Variants in TRUB1 observed in about 807,000 individuals in gnomAD.
TRUB1 encodes pseudouridylate synthase TRUB1.
A neutral mutation model predicts 33.9 loss-of-function variants in TRUB1; 23 were observed. The ratio of observed to expected loss-of-function variants is 0.68; its 90% CI spans 0.49 to 0.96. The LOEUF is 0.96. Ranked by LOEUF, TRUB1 falls within the 40% of genes least tolerant of loss-of-function variation. TRUB1 has a pLI of 0.00. For synonymous variants in TRUB1, 163 were observed against 165.4 expected, an observed-to-expected ratio of 0.99 and a Z score of 0.11; for missense variants, 378 against 422.2, an observed-to-expected ratio of 0.90 and a Z score of 0.92.
intron 6 of TRUB1, among the ~76,000 whole-genome samples, chr10:114,972,546 T>C (rs965080564): frequency 1.3e-5 from 2 of 152,224 alleles, no homozygotes; most frequent in African/African-American, 2.4e-5. Context: ...AGTAACATAC[T>C]TTAGATCTCT....
At position 114,957,680 on chromosome 10, in the gene TRUB1, C is replaced by G. The variant is rs767042250; in HGVS notation, c.442-2046C>G. ...AGGCCAGGGAAGTGGCATATGTGCCCCAGGTGCACAAAACACCAAGAGTCC... is the reference window on the plus strand; with the variant it reads ...AGGCCAGGGAAGTGGCATATGTGCCGCAGGTGCACAAAACACCAAGAGTCC... On this transcript the variant is annotated intron_variant, in intron 3 of 7. Coordinates refer to ENST00000298746, the MANE Select transcript of TRUB1 (RefSeq NM_139169.5). Among the ~76,000 whole-genome samples the G allele has an allele frequency of 7.0e-4, 107 of 151,988 alleles. 1 individual carries two copies. The highest frequency in any genetic ancestry group is 1.4e-3 in the Non-Finnish European group (93 of 67,996).
At chr10:114,950,668 G>C (rs1477944943) in intron 2 of TRUB1, among the ~76,000 whole-genome samples, 1 of 152,104 alleles carries the variant, frequency 6.6e-6, no homozygotes. Flanking sequence ...TCTTTAAATG[G>C]TTCATTAGCT....
intron 4 of TRUB1, among the ~76,000 whole-genome samples, chr10:114,969,735 T>G (rs2084327026): frequency 6.8e-6 from 1 of 147,658 alleles, no homozygotes. Context: ...GCTGGGAGTG[T>G]TCATGTAAAA....
chr10:114,947,870 C>T (rs1351732213), intron 2 of TRUB1, among the ~76,000 whole-genome samples: 1 of 151,926 alleles, frequency 6.6e-6, no homozygotes, highest in African/African-American at 2.4e-5. Context: ...TAGTTTTTAC[C>T]CACACATCTG....
chr10:114,944,497 A>G (rs575870866), intron 2 of TRUB1, among the ~76,000 whole-genome samples: 29 of 152,244 alleles, frequency 1.9e-4, no homozygotes, highest in Middle Eastern at 3.4e-3. Context: ...TGTCTCTACT[A>G]AAAATACAAA....
rs897365778 is a variant in TRUB1 at position 114,940,309 on chromosome 10, C to T, written c.286+1770C>T. ...GCTAATTTTGTATTTTTGGTAGAGACGGGGTTTCTCCATGTTGGTCAGGCT... is the reference window on the plus strand; with the variant it reads ...GCTAATTTTGTATTTTTGGTAGAGATGGGGTTTCTCCATGTTGGTCAGGCT... On this transcript the variant is annotated intron_variant, in intron 1 of 7. Transcript: ENST00000298746. Among the ~76,000 whole-genome samples the T allele has an allele frequency of 6.6e-5, 10 of 152,000 alleles. No individual in the cohort carries two copies. The South Asian group carries it at 1.0e-3, about 16-fold the overall frequency.
At position 114,977,238 on chromosome 10, in the gene TRUB1, A is replaced by G. The variant is rs2143044426; in HGVS notation, c.*1859A>G. On this transcript the variant is annotated 3_prime_UTR_variant, in exon 8 of 8. Coordinates refer to ENST00000298746, the MANE Select transcript of TRUB1 (RefSeq NM_139169.5). ...TAGTAACTTTAGAATTTAAATTTTT[A>G]TATTACTATTTTCCTTTTTGTTGTT... is the stretch of plus-strand genomic sequence containing the variant. 2 of 152,220 alleles carry G rather than the reference A, an allele frequency of 1.3e-5. No individual in the cohort carries two copies. The highest frequency in any genetic ancestry group is 6.8e-3 in the Middle Eastern group (2 of 294). 9.4% of individuals were successfully genotyped at this position (152,220 alleles called of 1,614,324 possible).
intron 1 of TRUB1, among the ~76,000 whole-genome samples, chr10:114,942,339 T>A (rs1237794779): frequency 6.6e-6 from 1 of 152,180 alleles, no homozygotes; most frequent in Admixed American, 6.5e-5. Flanking sequence ...TACCAAGAAT[T>A]TACTAGATTT....
chr10:114,939,300 C>A (rs17794814), intron 1 of TRUB1, among the ~76,000 whole-genome samples: 4,554 of 152,270 alleles, frequency 0.03, 99 homozygotes, highest in Non-Finnish European at 0.042. Flanking sequence ...TCCTTAAGTT[C>A]ATTGGACATA....
chr10:114,946,725 A>AT (rs35412790), intron 2 of TRUB1, among the ~76,000 whole-genome samples: 75,416 of 151,292 alleles, frequency 0.5, 19,944 homozygotes, highest in African/African-American at 0.64. Flanking sequence ...TACTTTCAAC[A>AT]TTTTTTTTTG....
chr10:114,970,321 T>G, intron 4 of TRUB1, 47 bp from the exon 5 acceptor site: 4 of 1,336,092 alleles, frequency 3.0e-6, no homozygotes, highest in Non-Finnish European at 4.3e-6. Flanking sequence ...AAATAGTACA[T>G]GTACTTCTGT....
Position 114,953,684 on chromosome 10 carries a change from T to C in TRUB1, c.441+2535T>C, listed in dbSNP as rs910284632. Among the ~76,000 whole-genome samples the C allele has an allele frequency of 3.3e-5, 5 of 152,288 alleles. No individual in the cohort carries two copies. The East Asian group carries it at 9.6e-4, about 29-fold the overall frequency. ...TAAAGGAGTAGTCGAGGCTGGGTAA[T>C]TTATAAAGAAAAGAGGTTCATTTGG... On this transcript the variant is annotated intron_variant, in intron 3 of 7. Coordinates refer to ENST00000298746, the MANE Select transcript of TRUB1 (RefSeq NM_139169.5).
chr10:114,953,214 G>C (rs552991430), intron 3 of TRUB1, among the ~76,000 whole-genome samples: 2 of 152,122 alleles, frequency 1.3e-5, no homozygotes, highest in African/African-American at 4.8e-5. Flanking sequence ...CCAATTTGCT[G>C]TTCAGCTACG....
chr10:114,939,826 CT>C (rs1226215746), intron 1 of TRUB1, among the ~76,000 whole-genome samples: 105 of 55,018 alleles, frequency 1.9e-3, no homozygotes, highest in Non-Finnish European at 2.5e-3. Context: ...GGTTTCTTTT[CT>C]TTTTTTTTTT....
rs1356588825 is a variant in TRUB1 at position 114,975,364 on chromosome 10, A to C, written c.1035A>C (p.Val345=). The change falls in exon 8 of 8, where the codon GTA becomes GTC. Residue 345 remains valine, a synonymous_variant. Coordinates refer to ENST00000298746, the MANE Select transcript of TRUB1 (RefSeq NM_139169.5). ...ATGAGCCAAAGAGAGAAGATGATGT[A>C]ATTAAGACGTGTTGAGATTGGCCTG... ...TLNEPKREDD[V]IKTC 1 of 1,581,272 alleles carries C rather than the reference A, an allele frequency of 6.3e-7. No homozygotes were observed. Among genetic ancestry groups the C allele is most frequent in the Admixed American group, 1.8e-5 (1 of 55,792 alleles).
chr10:114,957,147 G>A lies in TRUB1; in HGVS notation c.442-2579G>A, dbSNP rs566830347. On this transcript the variant is annotated intron_variant, in intron 3 of 7. Transcript: ENST00000298746. ...AAGCTGCTACTGTGTTTCTATTTAG[G>A]AAAGAACACAATAGATGAGCAATGG... 5.9e-5 allele frequency among the ~76,000 whole-genome samples: 9 copies of A among 152,288 alleles called. No individual in the cohort carries two copies. The South Asian group carries it at 1.9e-3, about 32-fold the overall frequency.
At chr10:114,969,900 T>G (rs1484558166) in intron 4 of TRUB1, among the ~76,000 whole-genome samples, 1 of 152,162 alleles carries the variant, frequency 6.6e-6, no homozygotes, top group Non-Finnish European at 1.5e-5. Context: ...ATTTAAAATG[T>G]GGATAATACT....
chr10:114,941,776 CCTTT>C (rs1211227483), intron 1 of TRUB1, among the ~76,000 whole-genome samples: 3 of 151,792 alleles, frequency 2.0e-5, no homozygotes, highest in Admixed American at 6.6e-5. Flanking sequence ...AGATTCGCTT[CCTTT>C]GTTTATTTAT....
rs534236880 is a variant in TRUB1 at position 114,956,602 on chromosome 10, C to T, written c.442-3124C>T. Among the ~76,000 whole-genome samples, 7 of 152,192 alleles carry T rather than the reference C, an allele frequency of 4.6e-5. No homozygotes were observed. The East Asian group carries it at 7.7e-4, about 17-fold the overall frequency. On this transcript the variant is annotated intron_variant, in intron 3 of 7. Coordinates refer to ENST00000298746, the MANE Select transcript of TRUB1 (RefSeq NM_139169.5). The stretch of plus-strand genomic sequence containing the variant: ...AGACAGCTGATTTCAATCATCGGTT[C>T]GCAGGGTGTGGTCTAAGGACTCCTG...
Sources: gnomAD v4.1 joint callset for allele counts (sites outside exome capture counted in the v4.1 genomes callset) on GRCh38, gnomAD v4.1.1 for gene constraint, MANE v1.5 for transcripts, NCBI Gene and HGNC (gene_info 2026-07-23, HGNC 2026-07-21) for gene names.